PIK3CA: variants seen among roughly 807,000 people sequenced by gnomAD.
The protein encoded by PIK3CA is phosphatidylinositol 4,5-bisphosphate 3-kinase catalytic subunit alpha isoform.
In PIK3CA, 27 loss-of-function variants were observed where a neutral mutation model predicts 138.2. The ratio of observed to expected loss-of-function variants is 0.20; its 90% CI spans 0.14 to 0.27. The LOEUF (loss-of-function observed/expected upper bound fraction) is 0.27. Ranked by LOEUF, PIK3CA falls within the 10% of genes least tolerant of loss-of-function variation. The pLI is 1.00. For missense variants in PIK3CA, 544 were observed against 1,277.4 expected (o/e 0.43, Z 8.75); for synonymous variants, 358 against 413.2 (o/e 0.87, Z 1.62).
At chr3:179,159,110 A>G (rs1723212461) in intron 1 of PIK3CA, among the ~76,000 whole-genome samples, 1 of 152,188 alleles carries the variant, frequency 6.6e-6, no homozygotes. Context: ...TTCAGAAATT[A>G]TCTGCGATTT....
chr3:179,192,557 T>C (rs781180102), intron 1 of PIK3CA, among the ~76,000 whole-genome samples: 21 of 152,354 alleles, frequency 1.4e-4, no homozygotes, highest in Admixed American at 2.0e-4. Flanking sequence ...TGGGCACTTA[T>C]GCGGTTGATA....
At chr3:179,204,943 C>T (rs1356473065) in intron 6 of PIK3CA, among the ~76,000 whole-genome samples, 1 of 137,870 alleles carries the variant, frequency 7.3e-6, no homozygotes, top group Non-Finnish European at 1.5e-5. Flanking sequence ...ATCGCTTGAA[C>T]CTGGAAGGCT....
intron 1 of PIK3CA, among the ~76,000 whole-genome samples, chr3:179,191,297 G>T (rs1275233067): frequency 6.6e-6 from 1 of 152,166 alleles, no homozygotes; most frequent in Non-Finnish European, 1.5e-5. Context: ...ATGTAACTGA[G>T]TTAGCCACAA....
chr3:179,195,889 G>A (rs773688887), intron 1 of PIK3CA, among the ~76,000 whole-genome samples: 26 of 152,226 alleles, frequency 1.7e-4, no homozygotes, highest in Middle Eastern at 6.8e-3. Flanking sequence ...GTAATGGTTT[G>A]TACAGAATAA....
At chr3:179,165,792 C>A (rs1723402911) in intron 1 of PIK3CA, among the ~76,000 whole-genome samples, 1 of 152,182 alleles carries the variant, frequency 6.6e-6, no homozygotes, top group Non-Finnish European at 1.5e-5. Flanking sequence ...TTGTGGACCC[C>A]TGTTCTTGTG....
intron 1 of PIK3CA, among the ~76,000 whole-genome samples, chr3:179,194,998 A>C (rs1177509735): frequency 6.8e-6 from 1 of 147,270 alleles, no homozygotes; most frequent in East Asian, 1.9e-4. Context: ...GCCTGACATT[A>C]AGCAGGTACT....
chr3:179,148,461 G>C lies in PIK3CA; in HGVS notation c.-219G>C, dbSNP rs1451502236. 6.6e-6 allele frequency: 1 copy of C among 150,992 alleles called. No individual in the cohort carries two copies. The highest frequency in any genetic ancestry group is 1.5e-5 in the Non-Finnish European group (1 of 67,630). The allele number at this position is 150,992 out of a possible 1,614,324, so 9.4% of individuals were successfully genotyped here. ...GGCGAGGCAGGGCTCGGGCCCGGCC[G>C]GGCAGCTCCGGAGCGGCGGGGGAGA... On this transcript the variant is annotated 5_prime_UTR_variant, in exon 1 of 21. Transcript: ENST00000263967.
At position 179,211,436 on chromosome 3, in the gene PIK3CA, C is replaced by T. The variant is rs113924478; in HGVS notation, c.1539+871C>T. Among the ~76,000 whole-genome samples, 1,139 of 152,078 alleles carry T rather than the reference C, an allele frequency of 7.5e-3. 16 individuals carry two copies. The highest frequency in any genetic ancestry group is 0.025 in the African/African-American group (1,057 of 41,458). On this transcript the variant is annotated intron_variant, in intron 9 of 20. Transcript: ENST00000263967. ...CTGTAATCCCAGCACTTTGGGAGGC[C>T]GAAGCGGGTGAATCACCTGAGGTCA...
chr3:179,150,477 T>C (rs921117782), intron 1 of PIK3CA, among the ~76,000 whole-genome samples: 1 of 152,336 alleles, frequency 6.6e-6, no homozygotes, highest in South Asian at 2.1e-4. Flanking sequence ...CCTGTAAATA[T>C]AGAAGAGTGT....
intron 1 of PIK3CA, among the ~76,000 whole-genome samples, chr3:179,196,320 T>G (rs1169409790): frequency 6.6e-6 from 1 of 152,206 alleles, no homozygotes; most frequent in Non-Finnish European, 1.5e-5. Context: ...TTTGAACTTT[T>G]TTATGCAGGC....
chr3:179,178,983 A>G (rs1205701136), intron 1 of PIK3CA, among the ~76,000 whole-genome samples: 1 of 152,234 alleles, frequency 6.6e-6, no homozygotes, highest in Admixed American at 6.5e-5. Context: ...GAAAGCAGGT[A>G]TTAAGCATAA....
chr3:179,233,205 G>A (rs1353286952), intron 20 of PIK3CA: 1 of 396,768 alleles, frequency 2.5e-6, no homozygotes, highest in African/African-American at 2.1e-5. Context: ...CTAGGTATAT[G>A]ATTATGTCAT....
chr3:179,195,220 A>G (rs1200438987), intron 1 of PIK3CA, among the ~76,000 whole-genome samples: 3 of 151,362 alleles, frequency 2.0e-5, no homozygotes, highest in African/African-American at 7.3e-5. Flanking sequence ...CTTGAAATCT[A>G]ACTTCTTTAT....
chr3:179,172,720 A>G (rs1333975091), intron 1 of PIK3CA, among the ~76,000 whole-genome samples: 1 of 152,156 alleles, frequency 6.6e-6, no homozygotes, highest in Admixed American at 6.5e-5. Context: ...TTAAAGAAGA[A>G]CTAAGTTAAT....
intron 9 of PIK3CA, 81 bp downstream of exon 9, chr3:179,210,646 C>CAT: frequency 1.4e-6 from 2 of 1,387,498 alleles, no homozygotes; most frequent in Non-Finnish European, 2.0e-6. Flanking sequence ...GAAAAGGATC[C>CAT]ATATATTTTA....
At chr3:179,203,855 A>G (rs890746218) in intron 5 of PIK3CA, 66 bp downstream of exon 5, 3 of 1,122,316 alleles carry the variant, frequency 2.7e-6, no homozygotes, top group Admixed American at 2.2e-5. Flanking sequence ...TTCTTGCACT[A>G]TACAGTAATC....
intron 9 of PIK3CA, among the ~76,000 whole-genome samples, chr3:179,211,714 A>G (rs529426995): frequency 6.6e-6 from 1 of 152,180 alleles, no homozygotes; most frequent in Non-Finnish European, 1.5e-5. Flanking sequence ...TCATCTCTAC[A>G]TGAGTACTTC....
chr3:179,220,155 G>A lies in PIK3CA; in HGVS notation c.2015+103G>A, dbSNP rs1189259871. The stretch of plus-strand genomic sequence containing the variant: ...ACTTATATACTTTTGTTTATGTTTG[G>A]CTGGAAGAGTTTTCCATACTAAAAG... On this transcript the variant is annotated intron_variant, in intron 13 of 20. Transcript: ENST00000263967. The surrounding 1 kb of genome is among the most constrained non-coding windows in gnomAD (Gnocchi z 4.1). 4 of 973,222 alleles carry A rather than the reference G, an allele frequency of 4.1e-6. No homozygotes were observed. In the Admixed American group the frequency reaches 1.0e-4, roughly 25 times the overall value. The allele number at this position is 973,222 out of a possible 1,614,324, so 60.3% of individuals were successfully genotyped here.
chr3:179,166,060 T>TCA lies in PIK3CA; in HGVS notation c.-77+17457_-77+17458insCA, dbSNP rs1176791438. Among the ~76,000 whole-genome samples the TCA allele has an allele frequency of 4.7e-4, 71 of 152,290 alleles. No individual in the cohort carries two copies. In the East Asian group the frequency reaches 0.013, roughly 28 times the overall value. ...TCTTGAAGTCAGGGATGCCATATTTTAGATCTTTTATTTAATCTTAGAGTA... is the reference window on the plus strand; with the variant it reads ...TCTTGAAGTCAGGGATGCCATATTTTCAAGATCTTTTATTTAATCTTAGAGTA... On this transcript the variant is annotated intron_variant, in intron 1 of 20. Coordinates refer to ENST00000263967, the MANE Select transcript of PIK3CA (RefSeq NM_006218.4).
Sources: gnomAD v4.1 joint callset for allele counts (sites outside exome capture counted in the v4.1 genomes callset) on GRCh38, gnomAD v4.1.1 for gene constraint, Gnocchi (gnomAD v3.1) non-coding constraint, MANE v1.5 for transcripts, NCBI Gene and HGNC (gene_info 2026-07-23, HGNC 2026-07-21) for gene names.